Variants in MACF1 observed in about 807,000 individuals in gnomAD.
The protein encoded by MACF1 is microtubule actin crosslinking factor 1, also known as microtubule-actin cross-linking factor 1.
MACF1 carries 193 observed loss-of-function variants against 854.8 expected under a neutral mutation model. That is an observed-to-expected ratio of 0.23 (90% CI 0.20 to 0.25). MACF1 has a LOEUF of 0.25. Among genes scored for constraint, MACF1 ranks in the 10% least tolerant of loss-of-function variants. The pLI is 1.00. For synonymous variants in MACF1, 3,185 were observed against 3,226.7 expected (o/e 0.99, Z 0.44); for missense variants, 7,722 against 8,929.1 (o/e 0.86, Z 5.45).
At chr1:39,162,564 C>T (rs1200677576) in intron 2 of MACF1, among the ~76,000 whole-genome samples, 1 of 152,108 alleles carries the variant, frequency 6.6e-6, no homozygotes, top group Non-Finnish European at 1.5e-5. Flanking sequence ...TGCCATGGCA[C>T]TTTAAACATA....
At chr1:39,126,184 A>G (rs1642856216) in intron 2 of MACF1, among the ~76,000 whole-genome samples, 1 of 152,172 alleles carries the variant, frequency 6.6e-6, no homozygotes, top group African/African-American at 2.4e-5. Context: ...GTCTGAAATC[A>G]AGTTGTCAGC....
chr1:39,102,271 G>T (rs1642110514), intron 2 of MACF1, among the ~76,000 whole-genome samples: 2 of 152,176 alleles, frequency 1.3e-5, no homozygotes, highest in African/African-American at 4.8e-5. Flanking sequence ...CCCTATATGT[G>T]CCAGATCAGT....
At chr1:39,192,890 A>C (rs1644273259) in intron 2 of MACF1, among the ~76,000 whole-genome samples, 1 of 152,194 alleles carries the variant, frequency 6.6e-6, no homozygotes. Flanking sequence ...GGTGGATATC[A>C]CCTGAGGTCA....
chr1:39,099,938 G>T (rs1642027664), intron 2 of MACF1, among the ~76,000 whole-genome samples: 1 of 152,108 alleles, frequency 6.6e-6, no homozygotes, highest in Non-Finnish European at 1.5e-5. Flanking sequence ...TTAAAAAGCT[G>T]GGCACGGAGG....
rs1274770676 is a variant in MACF1, at chr1:39,334,330, C to T, written c.7742C>T (p.Thr2581Ile). The change falls in exon 37 of 101, where the codon ACT becomes ATT. Residue 2581 changes from threonine to isoleucine, a missense_variant. By Grantham distance (89) the Thr-to-Ile change is moderately conservative. Transcript: ENST00000564288. ...GAAATCCAGGAGGTTCAGGCCTTTA[C>T]TGGAAACTTTGTGGATCTCATTTCT... is the stretch of plus-strand genomic sequence containing the variant. ...KREIQEVQAF[T>I]GNFVDLISGQ... The T allele has an allele frequency of 6.2e-7, 1 of 1,614,110 alleles. No homozygotes were observed.
At chr1:39,416,759 C>T (rs753057165) in intron 58 of MACF1, among the ~76,000 whole-genome samples, 26 of 152,090 alleles carry the variant, frequency 1.7e-4, no homozygotes, top group Admixed American at 5.2e-4. Context: ...AAATGGTAGC[C>T]CAGCTGCAAA....
At chr1:39,307,901 C>CTTTCTTTCTTTTTTTTTTTTTTTT (rs1222230255) in intron 23 of MACF1, among the ~76,000 whole-genome samples, 1 of 50,392 alleles carries the variant, frequency 2.0e-5, no homozygotes, top group African/African-American at 7.6e-5. Flanking sequence ...TTCTTTCTTT[C>CTTTCTTTCTTTTTTTTTTTTTTTT]TTTTTTTTTT....
At chr1:39,365,079 CT>C (rs1648573361) in intron 49 of MACF1, among the ~76,000 whole-genome samples, 1 of 151,118 alleles carries the variant, frequency 6.6e-6, no homozygotes, top group South Asian at 2.1e-4. Context: ...AAATCTGAAA[CT>C]TTTTTTTTCT....
At chr1:39,423,225 A>ATTTT (rs2148638366) in intron 60 of MACF1, among the ~76,000 whole-genome samples, 1 of 152,208 alleles carries the variant, frequency 6.6e-6, no homozygotes, top group South Asian at 2.1e-4. Flanking sequence ...TTTTATCTAT[A>ATTTT]TTTTTTGTTG....
At position 39,331,853 on chromosome 1, in the gene MACF1, G is replaced by T. The variant is rs766902597; in HGVS notation, c.5265G>T (p.Gly1755=). The change falls in exon 37 of 101, where the codon GGG becomes GGT. Residue 1755 remains glycine (G), a synonymous_variant. Coordinates refer to ENST00000564288, the MANE Select transcript of MACF1 (RefSeq NM_001394062.1). The part of the protein sequence containing the change: ...KVSIFRAVQE[G]LIDRQVTVRL... ...GCATTTTCCGTGCAGTTCAGGAAGG[G>T]CTAATAGATAGGCAGGTCACTGTCC... The T allele has an allele frequency of 6.2e-7, 1 of 1,614,156 alleles. No individual in the cohort carries two copies. Among genetic ancestry groups the T allele is most frequent in the Non-Finnish European group, 8.5e-7 (1 of 1,180,026 alleles).
chr1:39,412,039 C>T (rs765287920), intron 58 of MACF1: 2 of 1,613,848 alleles, frequency 1.2e-6, no homozygotes, highest in African/African-American at 1.3e-5. Context: ...GCCAGCTGAT[C>T]TGGATTCACT....
intron 65 of MACF1, 42 bp downstream of exon 65, chr1:39,430,110 CTT>C: frequency 6.3e-7 from 1 of 1,578,814 alleles, no homozygotes; most frequent in South Asian, 1.2e-5. Flanking sequence ...AAGGCTTCCT[CTT>C]TGTCAGAATC....
intron 19 of MACF1, 29 bp from the exon 20 acceptor site, chr1:39,295,758 C>G (rs756142102): frequency 6.5e-7 from 1 of 1,538,180 alleles, no homozygotes; most frequent in South Asian, 1.1e-5. Context: ...AAACTCAAGC[C>G]CTTCTGTCTG....
intron 2 of MACF1, among the ~76,000 whole-genome samples, chr1:39,193,873 C>T (rs186328498): frequency 4.6e-5 from 7 of 151,820 alleles, no homozygotes; most frequent in East Asian, 1.9e-4. Context: ...GAGACAGTTT[C>T]GCTGTTGTTG....
Position 39,335,483 on chromosome 1 carries a change from A to C in MACF1, c.8895A>C (p.Gln2965His). The C allele has an allele frequency of 6.2e-7, 1 of 1,614,214 alleles. No homozygotes were observed. Among genetic ancestry groups the C allele is most frequent in the Non-Finnish European group, 8.5e-7 (1 of 1,180,026 alleles). Reference sequence around the variant, plus strand: ...TGCCGAGTGAGCAGGTTTTGCAGCAACCAATGAATGCTCGGGTGAAAAGTA... The same window carrying C: ...TGCCGAGTGAGCAGGTTTTGCAGCACCCAATGAATGCTCGGGTGAAAAGTA... ...GKLPSEQVLQQPMNARVKSKR... is the reference protein window; with the variant it reads ...GKLPSEQVLQHPMNARVKSKR... The change falls in exon 37 of 101, where the codon CAA becomes CAC. Residue 2965 changes from glutamine to histidine, a missense_variant. Gln to His is a conservative substitution (Grantham distance 24). This residue lies in a region of MACF1 where 854 missense variants were observed against 852.6 expected (regional missense o/e 1.00). Transcript: ENST00000564288.
chr1:39,101,509 G>A (rs1642075537), intron 2 of MACF1, among the ~76,000 whole-genome samples: 1 of 151,222 alleles, frequency 6.6e-6, no homozygotes, highest in South Asian at 2.1e-4. Context: ...GATTACAGGT[G>A]TGAGCCACTA....
chr1:39,234,954 A>G (rs57404888), intron 2 of MACF1, among the ~76,000 whole-genome samples: 1 of 116,440 alleles, frequency 8.6e-6, no homozygotes, highest in Non-Finnish European at 1.9e-5. Flanking sequence ...TGATGGCGGC[A>G]GGGAAGAGGT....
intron 87 of MACF1, among the ~76,000 whole-genome samples, chr1:39,453,364 A>G (rs1410266227): frequency 3.3e-5 from 5 of 152,242 alleles, no homozygotes; most frequent in South Asian, 4.1e-4. Flanking sequence ...TCCAATACAA[A>G]TATGTTTACC....
At chr1:39,477,143 C>CATATATACACTTAGTGT (rs1341883804) in intron 97 of MACF1, among the ~76,000 whole-genome samples, 1 of 146,840 alleles carries the variant, frequency 6.8e-6, no homozygotes, top group Admixed American at 6.8e-5. Context: ...TATACACACA[C>CATATATACACTTAGTGT]ACACACACAC....
Sources: allele counts gnomAD v4.1 joint callset (sites outside exome capture counted in the v4.1 genomes callset), GRCh38; gene constraint gnomAD v4.1.1; regional missense constraint gnomAD v4.1.1; transcripts MANE v1.5; gene names NCBI Gene and HGNC (gene_info 2026-07-23, HGNC 2026-07-21).